DGKB: variants seen among roughly 807,000 people sequenced by gnomAD.
DGKB encodes the protein diacylglycerol kinase beta.
Under a neutral mutation model 114.3 loss-of-function variants are expected in DGKB, and 67 were observed. The observed-to-expected ratio is 0.59, with a 90% CI of 0.48 to 0.72. DGKB has a LOEUF of 0.72. DGKB is among the 30% of genes least tolerant of loss of function. The pLI, the probability that DGKB is intolerant of heterozygous loss-of-function variation, is 0.00. For missense variants in DGKB, 907 were observed against 975.2 expected, an observed-to-expected ratio of 0.93 and a Z score of 0.93; for synonymous variants, 398 against 323.1, an observed-to-expected ratio of 1.23 and a Z score of -2.49.
At chr7:14,955,425 C>T (rs1361519743) in intron 1 of DGKB, among the ~76,000 whole-genome samples, 11 of 152,068 alleles carry the variant, frequency 7.2e-5, no homozygotes, top group East Asian at 1.9e-4. Flanking sequence ...CTGAACTATA[C>T]GCTTTCCTTT....
intron 1 of DGKB, among the ~76,000 whole-genome samples, chr7:14,914,122 T>C (rs6966879): frequency 0.069 from 10,430 of 152,178 alleles, 544 homozygotes; most frequent in Admixed American, 0.16. Context: ...AATAAGTCCA[T>C]AGTATTTATA....
rs73680197 is a variant in DGKB at position 14,713,185 on chromosome 7, T to C, written c.466+5357A>G. Among the ~76,000 whole-genome samples, 1,294 of 152,274 alleles carry C rather than the reference T, an allele frequency of 8.5e-3. 17 individuals are homozygous for C. Among genetic ancestry groups the C allele is most frequent in the African/African-American group, 0.03 (1,254 of 41,558 alleles). On this transcript the variant is annotated intron_variant, in intron 6 of 25. Transcript: ENST00000402815. ...GATAATTTTTTATATCCAAATTTTT[T>C]TTCCTTCCAAAAGATTTGCAAGTTT...
intron 20 of DGKB, among the ~76,000 whole-genome samples, chr7:14,500,727 A>G (rs1355114734): frequency 6.6e-6 from 1 of 151,838 alleles, no homozygotes; most frequent in African/African-American, 2.4e-5. Flanking sequence ...TAGGTGATTG[A>G]TAGAAGCTCA....
At chr7:14,680,154 T>A (rs1330232242) in intron 12 of DGKB, among the ~76,000 whole-genome samples, 1 of 151,906 alleles carries the variant, frequency 6.6e-6, no homozygotes, top group African/African-American at 2.4e-5. Context: ...TTTCTGACTC[T>A]GCCTTAACTC....
chr7:14,708,633 C>G (rs1488177267), intron 6 of DGKB, among the ~76,000 whole-genome samples: 1 of 151,432 alleles, frequency 6.6e-6, no homozygotes, highest in African/African-American at 2.4e-5. Context: ...ATCAATGGAA[C>G]AGAACAGAGC....
chr7:14,742,222 T>C (rs1832682428), intron 4 of DGKB, among the ~76,000 whole-genome samples: 1 of 152,208 alleles, frequency 6.6e-6, no homozygotes, highest in Non-Finnish European at 1.5e-5. Flanking sequence ...GTTACCTCTG[T>C]TTCTTGAAGG....
chr7:14,196,064 T>G (rs1258430460), intron 23 of DGKB, among the ~76,000 whole-genome samples: 3 of 152,144 alleles, frequency 2.0e-5, no homozygotes, highest in African/African-American at 7.2e-5. Flanking sequence ...TGACGTCTGG[T>G]GACTTGCCAG....
At chr7:14,203,596 T>C (rs1410091763) in intron 23 of DGKB, among the ~76,000 whole-genome samples, 1 of 151,946 alleles carries the variant, frequency 6.6e-6, no homozygotes, top group Non-Finnish European at 1.5e-5. Flanking sequence ...GTTTTGCAGG[T>C]TGTATAATGC....
Position 14,685,317 on chromosome 7 carries a change from T to TA in DGKB, c.756dup (p.Asn253Ter). ...CAAAGGTTGCAATAGGCAGGTTTGTTAAAGTGCTTCAGTCGCCACACGTGC... is the reference window on the plus strand; with the variant it reads ...CAAAGGTTGCAATAGGCAGGTTTGTTAAAAGTGCTTCAGTCGCCACACGTGC... On this transcript the variant is annotated frameshift_variant, in exon 10 of 26. Transcript: ENST00000402815. LOFTEE classifies it high-confidence loss of function. 1.2e-6 allele frequency: 2 copies of TA among 1,613,844 alleles called. No homozygotes were observed. The highest frequency in any genetic ancestry group is 2.2e-5 in the South Asian group (2 of 91,074).
At chr7:14,242,750 C>T (rs527745331) in intron 23 of DGKB, among the ~76,000 whole-genome samples, 1 of 152,112 alleles carries the variant, frequency 6.6e-6, no homozygotes, top group African/African-American at 2.4e-5. Flanking sequence ...TCACCTATAC[C>T]CTTCATAACC....
chr7:14,626,281 C>T (rs1025953303), intron 14 of DGKB, among the ~76,000 whole-genome samples: 2 of 152,152 alleles, frequency 1.3e-5, no homozygotes, highest in African/African-American at 4.8e-5. Context: ...TTTGTCCAAT[C>T]TCAGCATGAG....
At position 14,704,809 on chromosome 7, in the gene DGKB, A is replaced by C. The variant is rs537728265; in HGVS notation, c.467-3079T>G. On this transcript the variant is annotated intron_variant, in intron 6 of 25. Coordinates refer to ENST00000402815, the MANE Select transcript of DGKB (RefSeq NM_001350709.2). Reference sequence around the variant, plus strand: ...AACAGAAAGGACATCCACACCAAAAACCCATCTGTACATCACCATCATCAA... The same window carrying C: ...AACAGAAAGGACATCCACACCAAAACCCCATCTGTACATCACCATCATCAA... Among the ~76,000 whole-genome samples, 23 of 152,146 alleles carry C rather than the reference A, an allele frequency of 1.5e-4. No individual in the cohort carries two copies. In the South Asian group the frequency reaches 3.9e-3, roughly 26 times the overall value.
At chr7:14,633,672 G>C (rs896360439) in intron 13 of DGKB, among the ~76,000 whole-genome samples, 2 of 151,614 alleles carry the variant, frequency 1.3e-5, no homozygotes, top group South Asian at 2.1e-4. Context: ...ATCATCATGA[G>C]TGCATGATTC....
At chr7:14,294,228 C>T (rs1393441499) in intron 23 of DGKB, among the ~76,000 whole-genome samples, 4 of 152,154 alleles carry the variant, frequency 2.6e-5, no homozygotes, top group Admixed American at 1.3e-4. Context: ...ATATTGGGCC[C>T]ACCCAGATAT....
intron 1 of DGKB, among the ~76,000 whole-genome samples, chr7:14,888,282 C>G (rs985396255): frequency 6.6e-6 from 1 of 151,690 alleles, no homozygotes; most frequent in Non-Finnish European, 1.5e-5. Flanking sequence ...AGGCATGATA[C>G]AGTAGATACT....
chr7:14,922,864 A>G (rs1784576477), intron 1 of DGKB, among the ~76,000 whole-genome samples: 1 of 152,216 alleles, frequency 6.6e-6, no homozygotes, highest in African/African-American at 2.4e-5. Context: ...TCTGATGAGA[A>G]CATTGAAACA....
At position 14,694,191 on chromosome 7, in the gene DGKB, G is replaced by A. The variant is rs1823414131; in HGVS notation, c.595C>T (p.Leu199Phe). 1.9e-6 allele frequency: 3 copies of A among 1,566,198 alleles called. No individual in the cohort carries two copies. The highest frequency in any genetic ancestry group is 2.3e-5 in the East Asian group (1 of 43,288). Residue 199 changes from leucine (L) to phenylalanine (F), a missense_variant, in exon 9 of 26, where the codon CTC (leucine) becomes TTC (phenylalanine). By Grantham distance (22) the Leu-to-Phe change is conservative (BLOSUM62 0). Around this residue, in one of 3 missense-constraint regions of DGKB, gnomAD observed 814 missense variants for 856.6 expected, o/e 0.95. Transcript: ENST00000402815. ...EWDVTELNPI[L>F]HEMMEEIDYD... ...TCAATTTCTTCCATCATTTCATGGA[G>A]GATCTGGAGTAGAGGAGATAAGGGA...
chr7:14,743,087 T>C (rs1201919439), intron 4 of DGKB, among the ~76,000 whole-genome samples: 5 of 152,188 alleles, frequency 3.3e-5, no homozygotes, highest in Non-Finnish European at 7.4e-5. Context: ...TAGCAAAATG[T>C]GTAAAGGGTT....
At chr7:14,931,498 G>C (rs927757552) in intron 1 of DGKB, among the ~76,000 whole-genome samples, 1 of 152,120 alleles carries the variant, frequency 6.6e-6, no homozygotes, top group Non-Finnish European at 1.5e-5. Context: ...GTCCTTGTCT[G>C]GTTTTGGTAT....
Sources: gnomAD v4.1 joint callset for allele counts (sites outside exome capture counted in the v4.1 genomes callset) on GRCh38, gnomAD v4.1.1 for gene constraint, gnomAD v4.1.1 regional missense constraint, MANE v1.5 for transcripts, NCBI Gene and HGNC (gene_info 2026-07-23, HGNC 2026-07-21) for gene names.